ATP10D: variants seen among roughly 807,000 people sequenced by gnomAD.
ATP10D encodes ATPase phospholipid transporting 10D (putative).
ATP10D carries 89 observed loss-of-function variants against 144.8 expected under a neutral mutation model. That is an observed-to-expected ratio of 0.61 (90% confidence interval 0.52 to 0.73). The LOEUF (loss-of-function observed/expected upper bound fraction) is 0.73, where lower values mean the gene tolerates loss of function less well. ATP10D is among the 30% of genes least tolerant of loss of function. ATP10D has a pLI of 0.00. For missense variants in ATP10D, 1,603 were observed against 1,714.8 expected, an observed-to-expected ratio of 0.93 and a Z score of 1.15; for synonymous variants, 571 against 615.1, an observed-to-expected ratio of 0.93 and a Z score of 1.06.
intron 1 of ATP10D, among the ~76,000 whole-genome samples, chr4:47,507,607 T>C (rs953430175): frequency 3.9e-5 from 6 of 152,330 alleles, no homozygotes; most frequent in Admixed American, 3.3e-4. Flanking sequence ...GGAAATGGGA[T>C]GTCTTTATGT....
chr4:47,546,629 A>G lies in ATP10D; in HGVS notation c.1402A>G (p.Arg468Gly). 1 of 1,613,824 alleles carries G rather than the reference A, an allele frequency of 6.2e-7. No homozygotes were observed. The highest frequency in any genetic ancestry group is 1.3e-5 in the African/African-American group (1 of 75,024). ...GTGTGCTTTTTATCCCACAGCCAGGAGGTTGGAGTCCTATCAGGAAGCTGT... is the reference window on the plus strand; with the variant it reads ...GTGTGCTTTTTATCCCACAGCCAGGGGGTTGGAGTCCTATCAGGAAGCTGT... The part of the protein sequence containing the change: ...FDYCHEENAR[R>G]LESYQEAVSE... Residue 468 changes from arginine (R) to glycine (G), a missense_variant, in exon 10 of 23, where the codon AGG becomes GGG. Coordinates refer to ENST00000273859, the MANE Select transcript of ATP10D (RefSeq NM_020453.4).
intron 1 of ATP10D, among the ~76,000 whole-genome samples, chr4:47,502,565 A>G (rs1715759765): frequency 6.7e-6 from 1 of 148,746 alleles, no homozygotes; most frequent in South Asian, 2.1e-4. Context: ...TATATTTGAT[A>G]ATATATATAT....
chr4:47,539,853 C>A (rs748817836), intron 9 of ATP10D, among the ~76,000 whole-genome samples: 1 of 152,206 alleles, frequency 6.6e-6, no homozygotes, highest in Non-Finnish European at 1.5e-5. Flanking sequence ...ACTAGCCCTC[C>A]TCCACTCTAG....
intron 15 of ATP10D, among the ~76,000 whole-genome samples, chr4:47,567,356 A>C (rs997197497): frequency 6.6e-6 from 1 of 152,244 alleles, no homozygotes; most frequent in Non-Finnish European, 1.5e-5. Context: ...TACTCAAATA[A>C]ATAGAAGAGT....
At position 47,507,846 on chromosome 4, in the gene ATP10D, A is replaced by G. The variant is rs1484457321; in HGVS notation, c.-37-4658A>G. Reference sequence around the variant, plus strand: ...GTGTGGATCCCTCCCAATCTCCCTCATTCCGTGGTCAAGCTAAAACAGTCT... The same window carrying G: ...GTGTGGATCCCTCCCAATCTCCCTCGTTCCGTGGTCAAGCTAAAACAGTCT... On this transcript the variant is annotated intron_variant, in intron 1 of 22. Coordinates refer to ENST00000273859, the MANE Select transcript of ATP10D (RefSeq NM_020453.4). Among the ~76,000 whole-genome samples the G allele has an allele frequency of 5.3e-5, 8 of 152,118 alleles. 1 individual carries two copies. The highest frequency in any genetic ancestry group is 1.9e-4 in the African/African-American group (8 of 41,478).
rs532878544 is a variant in ATP10D at position 47,543,127 on chromosome 4, TA to T, written c.1397-3496del. 2.4e-3 allele frequency among the ~76,000 whole-genome samples: 371 copies of T among 152,296 alleles called. 2 individuals carry two copies. The highest frequency in any genetic ancestry group is 9.1e-3 in the South Asian group (44 of 4,826). ...CACATTCACATAAGTTTTACTACAG[TA>T]TATTGTTATAATTATTCTATTTTAT... On this transcript the variant is annotated intron_variant, in intron 9 of 22. Coordinates refer to ENST00000273859, the MANE Select transcript of ATP10D (RefSeq NM_020453.4).
At chr4:47,510,851 C>T (rs947235642) in intron 1 of ATP10D, among the ~76,000 whole-genome samples, 4 of 152,186 alleles carry the variant, frequency 2.6e-5, no homozygotes, top group African/African-American at 9.7e-5. Context: ...GTGAATGCTT[C>T]CTTTTAAAGT....
rs903422570 is a variant in ATP10D, at chr4:47,563,652, A to G, written c.2740A>G (p.Ile914Val). 13 of 1,614,068 alleles carry G rather than the reference A, an allele frequency of 8.1e-6. No homozygotes were observed. Among genetic ancestry groups the G allele is most frequent in the Non-Finnish European group, 1.1e-5 (13 of 1,179,986 alleles). The change falls in exon 15 of 23, where the codon ATC (isoleucine) becomes GTC (valine). Residue 914 changes from isoleucine to valine, a missense_variant. By Grantham distance (29) the Ile-to-Val change is conservative (BLOSUM62 3). Coordinates refer to ENST00000273859, the MANE Select transcript of ATP10D (RefSeq NM_020453.4). ...ESIEALHKAG[I>V]KIWMLTGDKQ... ...TATAGAAGCTCTTCACAAAGCGGGC[A>G]TCAAGATCTGGATGCTGACAGGGGA...
At chr4:47,543,097 G>A (rs966298436) in intron 9 of ATP10D, among the ~76,000 whole-genome samples, 1 of 152,110 alleles carries the variant, frequency 6.6e-6, no homozygotes, top group African/African-American at 2.4e-5. Context: ...GAGAAAAAGA[G>A]AGATCACATT....
chr4:47,495,351 A>G (rs1459770395), intron 1 of ATP10D, among the ~76,000 whole-genome samples: 1 of 152,292 alleles, frequency 6.6e-6, no homozygotes, highest in East Asian at 1.9e-4. Context: ...GAGTTAAAGG[A>G]ATGCACCTCT....
chr4:47,505,200 C>T (rs1715955002), intron 1 of ATP10D, among the ~76,000 whole-genome samples: 1 of 152,206 alleles, frequency 6.6e-6, no homozygotes. Context: ...TAGTGCATAG[C>T]TGAGGTTACA....
chr4:47,591,481 A>T lies in ATP10D; in HGVS notation c.*100A>T. On this transcript the variant is annotated 3_prime_UTR_variant, in exon 23 of 23. Transcript: ENST00000273859. ...AATGACTTGTTTTTCCATAAGGGAC[A>T]TGAGCATTTTACTAGGCTTGGAAGA... 1 of 1,027,042 alleles carries T rather than the reference A, an allele frequency of 9.7e-7. No individual in the cohort carries two copies. The highest frequency in any genetic ancestry group is 1.6e-5 in the South Asian group (1 of 60,758). 63.6% of individuals were successfully genotyped at this position (1,027,042 alleles called of 1,614,324 possible). A position where few individuals can be genotyped will look rare whatever the true frequency, so the allele number is the denominator to read the frequency against.
intron 21 of ATP10D, chr4:47,583,153 AAG>A (rs1269804698): frequency 6.6e-6 from 1 of 152,212 alleles, no homozygotes; most frequent in Non-Finnish European, 1.5e-5. Context: ...AAAAACAAAA[AAG>A]TGTGATTATC....
chr4:47,512,629 A>C lies in ATP10D; in HGVS notation c.89A>C (p.Tyr30Ser), dbSNP rs138139630. 3 of 1,614,020 alleles carry C rather than the reference A, an allele frequency of 1.9e-6. No individual in the cohort carries two copies. The highest frequency in any genetic ancestry group is 2.5e-6 in the Non-Finnish European group (3 of 1,180,034). Residue 30 changes from tyrosine to serine, a missense_variant, in exon 2 of 23, where the codon TAT (tyrosine) becomes TCT (serine). Tyr to Ser is a moderately radical substitution (Grantham distance 144). Transcript: ENST00000273859. ...TRDDDSGPYN[Y>S]SSLLACGRKS... ...GATGATGATTCAGGGCCATACAACT[A>C]TTCCTCGTTGCTCGCCTGTGGGCGC... is the stretch of plus-strand genomic sequence containing the variant.
intron 11 of ATP10D, among the ~76,000 whole-genome samples, chr4:47,556,470 G>A (rs1437392205): frequency 6.6e-6 from 1 of 152,050 alleles, no homozygotes; most frequent in Non-Finnish European, 1.5e-5. Flanking sequence ...ATCTTTTGGT[G>A]TTTTCCTTTT....
At chr4:47,540,458 A>G (rs1718081768) in intron 9 of ATP10D, among the ~76,000 whole-genome samples, 1 of 152,218 alleles carries the variant, frequency 6.6e-6, no homozygotes, top group Admixed American at 6.5e-5. Flanking sequence ...AATGCATTTT[A>G]ATAATATCCC....
chr4:47,557,105 G>C (rs947042251), intron 11 of ATP10D: 1 of 151,834 alleles, frequency 6.6e-6, no homozygotes, highest in Admixed American at 6.6e-5. Flanking sequence ...TTTTATACTA[G>C]TCTCATAGCT....
chr4:47,515,105 C>T (rs948267878), intron 2 of ATP10D, among the ~76,000 whole-genome samples: 5 of 151,994 alleles, frequency 3.3e-5, no homozygotes, highest in African/African-American at 7.2e-5. Flanking sequence ...GGACCACAAG[C>T]GTAGGCCACT....
intron 1 of ATP10D, among the ~76,000 whole-genome samples, chr4:47,501,469 T>C (rs74709715): frequency 0.016 from 2,471 of 152,346 alleles, 63 homozygotes; most frequent in African/African-American, 0.056. Context: ...CGTTTTTCTC[T>C]GAATAACTTA....
Sources: gnomAD v4.1 joint callset for allele counts (sites outside exome capture counted in the v4.1 genomes callset) on GRCh38, gnomAD v4.1.1 for gene constraint, MANE v1.5 for transcripts, NCBI Gene and HGNC (gene_info 2026-07-23, HGNC 2026-07-21) for gene names.